Variants in TPO observed in about 807,000 individuals in gnomAD.
TPO encodes thyroid peroxidase, also known as thyroid microsomal antigen.
A neutral mutation model predicts 96.9 loss-of-function variants in TPO; 78 were observed. The observed-to-expected ratio is 0.81, with a 90% CI of 0.67 to 0.97. The LOEUF (loss-of-function observed/expected upper bound fraction) is 0.97. Ranked by LOEUF, TPO falls within the 50% of genes least tolerant of loss-of-function variation. The probability of loss-of-function intolerance (pLI) is 0.00; values close to 1 mark genes in which losing one functional copy is unlikely to be tolerated. For missense variants in TPO, 1,252 were observed against 1,274.8 expected, an observed-to-expected ratio of 0.98 and a Z score of 0.27; for synonymous variants, 547 against 538.0, an observed-to-expected ratio of 1.02 and a Z score of -0.23.
intron 1 of TPO, among the ~76,000 whole-genome samples, chr2:1,405,838 A>T (rs2148381768): frequency 6.6e-6 from 1 of 152,360 alleles, no homozygotes; most frequent in Non-Finnish European, 1.5e-5. Flanking sequence ...ATTCAAAAAG[A>T]AATATGAGTC....
At chr2:1,504,536 G>C (rs544021555) in intron 14 of TPO, among the ~76,000 whole-genome samples, 1 of 152,332 alleles carries the variant, frequency 6.6e-6, no homozygotes, top group African/African-American at 2.4e-5. Context: ...TCCCCGCCCG[G>C]CATGGGGCCT....
chr2:1,525,882 C>G (rs1344915263), intron 15 of TPO, among the ~76,000 whole-genome samples: 1 of 145,946 alleles, frequency 6.9e-6, no homozygotes, highest in African/African-American at 2.6e-5. Flanking sequence ...GCAAACTCCT[C>G]AAATCCCAAT....
intron 3 of TPO, among the ~76,000 whole-genome samples, chr2:1,423,615 C>T (rs1296837495): frequency 6.6e-6 from 1 of 152,022 alleles, no homozygotes; most frequent in African/African-American, 2.4e-5. Flanking sequence ...TCTCATATTA[C>T]CTGTCTAGAA....
At chr2:1,532,030 CCTCA>C (rs1377498237) in intron 15 of TPO, among the ~76,000 whole-genome samples, 3 of 117,296 alleles carry the variant, frequency 2.6e-5, no homozygotes, top group Non-Finnish European at 5.6e-5. Flanking sequence ...CCTCAAATCC[CCTCA>C]CTGTGTGCAA....
rs533800373 is a variant in TPO at position 1,475,584 on chromosome 2, C to T, written c.820-1502C>T. On this transcript the variant is annotated intron_variant, in intron 7 of 16. Transcript: ENST00000329066. Reference sequence around the variant, plus strand: ...GACTACAGGTGCCCGCCACCGCGCCCGGCTAATTTTTTGTATTTTAAGTAG... The same window carrying T: ...GACTACAGGTGCCCGCCACCGCGCCTGGCTAATTTTTTGTATTTTAAGTAG... Among the ~76,000 whole-genome samples the T allele has an allele frequency of 6.6e-5, 10 of 152,038 alleles. No homozygotes were observed. In the South Asian group the frequency reaches 8.3e-4, roughly 13 times the overall value.
Position 1,496,616 on chromosome 2 carries a change from A to T in TPO, c.2237A>T (p.Glu746Val). 6.2e-7 allele frequency: 1 copy of T among 1,613,774 alleles called. No homozygotes were observed. Among genetic ancestry groups the T allele is most frequent in the East Asian group, 2.2e-5 (1 of 44,812 alleles). Residue 746 changes from glutamate to valine, a missense_variant, in exon 13 of 17, where the codon GAG becomes GTG. By Grantham distance (121) the Glu-to-Val change is moderately radical (BLOSUM62 -2). Coordinates refer to ENST00000329066, the MANE Select transcript of TPO (RefSeq NM_001206744.2). ...ATAGACGACAAGTGTGGCTTCCCAG[A>T]GAGCGTGGAGAATGGGGACTTTGTG... is the stretch of plus-strand genomic sequence containing the variant. ...FPQDDKCGFPESVENGDFVHC... is the reference protein window; with the variant it reads ...FPQDDKCGFPVSVENGDFVHC...
rs1230823536 is a variant in TPO, at chr2:1,496,082, C to A, written c.2100C>A (p.Gly700=). The change falls in exon 12 of 17, where the codon GGC becomes GGA. Residue 700 remains glycine, a synonymous_variant. Coordinates refer to ENST00000329066, the MANE Select transcript of TPO (RefSeq NM_001206744.2). ...SLSRVICDNT[G]LTRVPMDAFQ... ...CTCGGGTCATCTGTGACAACACTGG[C>A]CTCACCAGGGTGCCCATGGATGCCT... 6 of 1,614,086 alleles carry A rather than the reference C, an allele frequency of 3.7e-6. No homozygotes were observed. The highest frequency in any genetic ancestry group is 1.1e-5 in the South Asian group (1 of 91,056).
chr2:1,394,886 C>T (rs1280029274), intron 1 of TPO, among the ~76,000 whole-genome samples: 4 of 152,166 alleles, frequency 2.6e-5, no homozygotes, highest in African/African-American at 7.2e-5. Context: ...AGGAGCGGAA[C>T]TCAGGATGTG....
chr2:1,538,755 G>A (rs1411999928), intron 15 of TPO, among the ~76,000 whole-genome samples: 1 of 152,212 alleles, frequency 6.6e-6, no homozygotes, highest in Non-Finnish European at 1.5e-5. Context: ...AGAACCACAC[G>A]TTTGGTGGCT....
At chr2:1,394,779 T>C (rs1002713494) in intron 1 of TPO, among the ~76,000 whole-genome samples, 5 of 152,294 alleles carry the variant, frequency 3.3e-5, no homozygotes, top group Non-Finnish European at 4.4e-5. Context: ...GAAGGGGCCA[T>C]GGGTTTTTAA....
At chr2:1,400,226 C>T (rs1003342896) in intron 1 of TPO, among the ~76,000 whole-genome samples, 1 of 152,190 alleles carries the variant, frequency 6.6e-6, no homozygotes, top group African/African-American at 2.4e-5. Context: ...GCTGCGGTGG[C>T]TCACGGCTGT....
At chr2:1,541,400 CAGACT>C (rs1680754778) in intron 16 of TPO, 2 of 178,918 alleles carry the variant, frequency 1.1e-5, no homozygotes, top group South Asian at 3.0e-4. Context: ...CTCTGTCGCC[CAGACT>C]GGAGTGCAGT....
chr2:1,394,089 G>T (rs73165380), intron 1 of TPO, among the ~76,000 whole-genome samples: 3,131 of 152,224 alleles, frequency 0.021, 110 homozygotes, highest in African/African-American at 0.072. Context: ...AGAAATCATT[G>T]ACAAAATATG....
intron 2 of TPO, among the ~76,000 whole-genome samples, chr2:1,414,744 C>T (rs1334665193): frequency 6.6e-6 from 1 of 152,012 alleles, no homozygotes; most frequent in East Asian, 1.9e-4. Flanking sequence ...TCACTTTTAC[C>T]TATTCATATA....
At chr2:1,375,879 G>A (rs1661715435) in intron 1 of TPO, among the ~76,000 whole-genome samples, 1 of 152,146 alleles carries the variant, frequency 6.6e-6, no homozygotes, top group Non-Finnish European at 1.5e-5. Flanking sequence ...GACACCAGAG[G>A]TGGGAAGACA....
intron 3 of TPO, among the ~76,000 whole-genome samples, chr2:1,426,119 T>C (rs1406650721): frequency 2.9e-5 from 4 of 136,430 alleles, no homozygotes; most frequent in East Asian, 4.8e-4. Flanking sequence ...CTCAGAAGTC[T>C]ATGCTCCTTC....
chr2:1,395,198 A>G (rs144335571), intron 1 of TPO, among the ~76,000 whole-genome samples: 143 of 152,188 alleles, frequency 9.4e-4, no homozygotes, highest in African/African-American at 3.4e-3. Flanking sequence ...TGCCCTTGGA[A>G]GGGGTGCAGT....
chr2:1,533,438 C>T (rs1441809640), intron 15 of TPO, among the ~76,000 whole-genome samples: 3 of 117,400 alleles, frequency 2.6e-5, no homozygotes, highest in African/African-American at 6.6e-5. Context: ...TGCAACCTCC[C>T]GAAATCGCCC....
intron 7 of TPO, among the ~76,000 whole-genome samples, chr2:1,475,572 C>T (rs1323515725): frequency 2.6e-5 from 4 of 151,994 alleles, no homozygotes; most frequent in Admixed American, 1.3e-4. Context: ...TACAGGTGCC[C>T]GCCACCGCGC....
Sources: allele counts gnomAD v4.1 joint callset (sites outside exome capture counted in the v4.1 genomes callset), GRCh38; gene constraint gnomAD v4.1.1; transcripts MANE v1.5; gene names NCBI Gene and HGNC (gene_info 2026-07-23, HGNC 2026-07-21).